The following DLGAP1 variants were observed in gnomAD, a reference collection of about 807,000 sequenced individuals.
The protein encoded by DLGAP1 is DLG associated protein 1.
A neutral mutation model predicts 90.8 loss-of-function variants in DLGAP1; 11 were observed. That is an observed-to-expected ratio of 0.12 (90% CI 0.08 to 0.20). The LOEUF (loss-of-function observed/expected upper bound fraction) is 0.20, where lower values mean the gene tolerates loss of function less well. Ranked by LOEUF, DLGAP1 falls within the 10% of genes least tolerant of loss-of-function variation. The pLI is 1.00. For synonymous variants in DLGAP1, 558 were observed against 540.7 expected (o/e 1.03, Z -0.44); for missense variants, 1,050 against 1,333.8 (o/e 0.79, Z 3.31).
chr18:4,428,582 A>T (rs2083208962), intron 1 of DLGAP1, among the ~76,000 whole-genome samples: 1 of 151,700 alleles, frequency 6.6e-6, no homozygotes, highest in African/African-American at 2.4e-5. Context: ...ACTCTGTTTT[A>T]AAAAAAGTGT....
intron 4 of DLGAP1, among the ~76,000 whole-genome samples, chr18:3,823,949 CAAAAAA>C (rs60286806): frequency 2.7e-5 from 1 of 36,556 alleles, no homozygotes; most frequent in East Asian, 1.4e-3. Flanking sequence ...GACTCCCTCT[CAAAAAA>C]AAAAAAAAAA....
intron 2 of DLGAP1, among the ~76,000 whole-genome samples, chr18:4,051,243 T>G (rs573796072): frequency 1.3e-5 from 2 of 152,320 alleles, no homozygotes; most frequent in South Asian, 4.2e-4. Context: ...CTTGGCTCTG[T>G]GTCCCCACCT....
At chr18:4,151,368 A>G (rs2076672447) in intron 1 of DLGAP1, 81 bp from the exon 2 acceptor site, 1 of 152,220 alleles carries the variant, frequency 6.6e-6, no homozygotes, top group African/African-American at 2.4e-5. Flanking sequence ...CATAAGAACT[A>G]TTCTGACACA....
intron 5 of DLGAP1, among the ~76,000 whole-genome samples, chr18:3,753,447 A>C (rs2063584287): frequency 2.0e-5 from 3 of 152,334 alleles, no homozygotes; most frequent in Admixed American, 1.3e-4. Context: ...ATCTGATTGG[A>C]AGCTCTGCTC....
intron 5 of DLGAP1, 32 bp downstream of exon 5, chr18:3,814,027 A>ACTAT: frequency 1.9e-6 from 3 of 1,600,486 alleles, no homozygotes; most frequent in Non-Finnish European, 1.7e-6. Context: ...AAGCACCTGG[A>ACTAT]CTATCGCAAG....
chr18:4,220,023 A>T (rs1401756673), intron 1 of DLGAP1, among the ~76,000 whole-genome samples: 3 of 152,072 alleles, frequency 2.0e-5, no homozygotes, highest in Admixed American at 1.3e-4. Context: ...GAAAGATGAC[A>T]TTGGAATTTT....
chr18:3,713,184 G>T (rs2061651109), intron 7 of DLGAP1, among the ~76,000 whole-genome samples: 1 of 152,180 alleles, frequency 6.6e-6, no homozygotes. Flanking sequence ...CTGTTTCCCT[G>T]CTTCTTTGCT....
rs534568319 is a variant in DLGAP1, at chr18:3,905,042, G to A, written c.-72-24902C>T. Among the ~76,000 whole-genome samples, 52 of 151,282 alleles carry A rather than the reference G, an allele frequency of 3.4e-4. No individual in the cohort carries two copies. In the South Asian group the frequency reaches 0.011, roughly 31 times the overall value. ...ATTTTCTCTATCTAGTTCTTACCCT[G>A]ACATTAGAAAAATAAACCAGGATAG... On this transcript the variant is annotated intron_variant, in intron 3 of 12. Coordinates refer to ENST00000315677, the MANE Select transcript of DLGAP1 (RefSeq NM_004746.4).
chr18:4,443,483 A>G (rs2083586639), intron 1 of DLGAP1, among the ~76,000 whole-genome samples: 1 of 152,240 alleles, frequency 6.6e-6, no homozygotes, highest in East Asian at 1.9e-4. Context: ...TCATAAATAT[A>G]GGGTCCTAAA....
intron 3 of DLGAP1, among the ~76,000 whole-genome samples, chr18:3,955,963 T>C (rs183706404): frequency 2.8e-4 from 42 of 152,262 alleles, no homozygotes; most frequent in African/African-American, 1.0e-3. Flanking sequence ...TGTGAGATAA[T>C]GTTAAGCAGA....
intron 7 of DLGAP1, among the ~76,000 whole-genome samples, chr18:3,718,654 G>A (rs1185595402): frequency 6.6e-6 from 1 of 151,028 alleles, no homozygotes; most frequent in Admixed American, 6.6e-5. Context: ...GGCCAGGCAC[G>A]GTGGCTCACG....
chr18:3,572,100 CG>C (rs2054836309), intron 8 of DLGAP1, among the ~76,000 whole-genome samples: 2 of 106,708 alleles, frequency 1.9e-5, no homozygotes, highest in Non-Finnish European at 3.6e-5. Context: ...TCTTTTGAGA[CG>C]GAGTTTGGCT....
In DLGAP1 at chr18:4,075,944, A is replaced by T. The variant is rs549367588; in HGVS notation, c.-158-70743T>A. 9.2e-4 allele frequency among the ~76,000 whole-genome samples: 140 copies of T among 152,300 alleles called. 2 individuals carry two copies. The highest frequency in any genetic ancestry group is 1.1e-3 in the Non-Finnish European group (76 of 68,018). On this transcript the variant is annotated intron_variant, in intron 2 of 12. Coordinates refer to ENST00000315677, the MANE Select transcript of DLGAP1 (RefSeq NM_004746.4). Reference sequence around the variant, plus strand: ...AAATTGAATCATGGAGCTTATTGTCAGTCCTGGATCCGCTATAGCTCTAGG... The same window carrying T: ...AAATTGAATCATGGAGCTTATTGTCTGTCCTGGATCCGCTATAGCTCTAGG...
intron 1 of DLGAP1, among the ~76,000 whole-genome samples, chr18:4,406,624 G>A (rs1467374540): frequency 6.6e-6 from 1 of 152,120 alleles, no homozygotes; most frequent in African/African-American, 2.4e-5. Flanking sequence ...GAGAGGCAGC[G>A]CATAAGTAGA....
intron 7 of DLGAP1, 28 bp from the exon 8 acceptor site, chr18:3,582,276 G>A (rs2055565455): frequency 6.3e-7 from 1 of 1,590,902 alleles, no homozygotes; most frequent in Admixed American, 1.7e-5. Flanking sequence ...CAAAGACAAT[G>A]TGATTTCTGC....
At chr18:4,445,614 T>C (rs984791427) in intron 1 of DLGAP1, among the ~76,000 whole-genome samples, 4 of 151,772 alleles carry the variant, frequency 2.6e-5, no homozygotes, top group African/African-American at 9.7e-5. Context: ...ATGCCAATCA[T>C]CAAGAAAGCA....
At chr18:3,577,563 T>C (rs897073449) in intron 8 of DLGAP1, among the ~76,000 whole-genome samples, 3 of 152,224 alleles carry the variant, frequency 2.0e-5, no homozygotes, top group Non-Finnish European at 4.4e-5. Flanking sequence ...TGGTAGTTAT[T>C]TCCCTGAAGA....
chr18:4,137,020 A>G (rs1201537179), intron 2 of DLGAP1, among the ~76,000 whole-genome samples: 1 of 152,148 alleles, frequency 6.6e-6, no homozygotes, highest in Admixed American at 6.5e-5. Flanking sequence ...ATTTAACATT[A>G]GGTATATCTC....
chr18:3,676,377 G>A (rs373641482), intron 7 of DLGAP1, among the ~76,000 whole-genome samples: 3 of 152,218 alleles, frequency 2.0e-5, no homozygotes, highest in East Asian at 3.9e-4. Flanking sequence ...AGGTCCTCTC[G>A]GAAGACCCTT....
Sources: gnomAD v4.1 joint callset for allele counts (sites outside exome capture counted in the v4.1 genomes callset) on GRCh38, gnomAD v4.1.1 for gene constraint, MANE v1.5 for transcripts, NCBI Gene and HGNC (gene_info 2026-07-23, HGNC 2026-07-21) for gene names.